The following PACRG variants were observed in gnomAD, a reference collection of about 807,000 sequenced individuals.
PACRG encodes the protein parkin coregulated gene protein.
Under a neutral mutation model 29.7 loss-of-function variants are expected in PACRG, and 29 were observed. The observed-to-expected ratio is 0.98, with a 90% CI of 0.73 to 1.33. The LOEUF is 1.33. PACRG is among the 40% of genes most tolerant of loss of function. PACRG has a pLI of 0.00. For missense variants in PACRG, 279 were observed against 316.2 expected (o/e 0.88, Z 0.89); for synonymous variants, 116 against 118.7 (o/e 0.98, Z 0.15).
At chr6:162,989,046 A>G (rs1428059739) in intron 2 of PACRG, among the ~76,000 whole-genome samples, 1 of 152,198 alleles carries the variant, frequency 6.6e-6, no homozygotes, top group African/African-American at 2.4e-5. Flanking sequence ...CCAATCAAGA[A>G]TAGACACGTC....
At position 162,762,325 on chromosome 6, in the gene PACRG, A is replaced by G. The variant is rs1431687334; in HGVS notation, c.156+33934A>G. 3.3e-5 allele frequency among the ~76,000 whole-genome samples: 5 copies of G among 152,180 alleles called. No individual in the cohort carries two copies. The East Asian group carries it at 9.6e-4, about 29-fold the overall frequency. On this transcript the variant is annotated intron_variant, in intron 1 of 4. Transcript: ENST00000366888. The stretch of plus-strand genomic sequence containing the variant: ...TAAGAATACACAGTGAAAAAAGCCA[A>G]AGAGTTATGTAAGGCATGTTTCTCT...
chr6:163,081,785 A>G (rs922964475), intron 3 of PACRG, among the ~76,000 whole-genome samples: 5 of 152,148 alleles, frequency 3.3e-5, no homozygotes, highest in Non-Finnish European at 7.3e-5. Flanking sequence ...AGTAAATGCC[A>G]TATTTTATGT....
chr6:163,022,204 A>G (rs138872798), intron 2 of PACRG, among the ~76,000 whole-genome samples: 1 of 152,176 alleles, frequency 6.6e-6, no homozygotes, highest in African/African-American at 2.4e-5. Flanking sequence ...AGCACCTACT[A>G]TGTGCTCAAT....
chr6:162,996,632 A>G (rs1156998319), intron 2 of PACRG, among the ~76,000 whole-genome samples: 1 of 152,202 alleles, frequency 6.6e-6, no homozygotes, highest in Non-Finnish European at 1.5e-5. Context: ...TGAAGTACTC[A>G]TGCCAAATTT....
intron 4 of PACRG, among the ~76,000 whole-genome samples, chr6:163,229,048 A>G (rs1014022188): frequency 6.6e-6 from 1 of 152,042 alleles, no homozygotes; most frequent in African/African-American, 2.4e-5. Flanking sequence ...AAAGGGCTAA[A>G]TTTCATATCT....
At chr6:162,902,326 T>C (rs1795619422) in intron 2 of PACRG, among the ~76,000 whole-genome samples, 1 of 152,216 alleles carries the variant, frequency 6.6e-6, no homozygotes, top group African/African-American at 2.4e-5. Flanking sequence ...TTTGAGTGGC[T>C]TGTAAACCTT....
intron 4 of PACRG, among the ~76,000 whole-genome samples, chr6:163,139,830 A>G (rs1010129730): frequency 2.0e-5 from 3 of 152,040 alleles, no homozygotes; most frequent in Non-Finnish European, 4.4e-5. Flanking sequence ...GTCTTTTACT[A>G]TTTTCTTTGT....
intron 2 of PACRG, among the ~76,000 whole-genome samples, chr6:162,868,154 T>C (rs1314369653): frequency 2.0e-5 from 3 of 152,176 alleles, no homozygotes; most frequent in South Asian, 2.1e-4. Context: ...AGAGATGCCT[T>C]TGCACATGGC....
intron 1 of PACRG, among the ~76,000 whole-genome samples, chr6:162,755,448 T>C (rs1312794303): frequency 6.6e-6 from 1 of 152,120 alleles, no homozygotes; most frequent in Non-Finnish European, 1.5e-5. Flanking sequence ...TCTTCTTCTA[T>C]TTTTTGAGAC....
At chr6:163,108,426 G>A (rs1199373364) in intron 4 of PACRG, among the ~76,000 whole-genome samples, 1 of 102,266 alleles carries the variant, frequency 9.8e-6, no homozygotes, top group Non-Finnish European at 1.8e-5. Context: ...TGACGGTGTT[G>A]CTCTGTTGCC....
At chr6:162,781,025 C>T (rs1447156000) in intron 1 of PACRG, among the ~76,000 whole-genome samples, 2 of 151,788 alleles carry the variant, frequency 1.3e-5, no homozygotes, top group Non-Finnish European at 2.9e-5. Context: ...TATGAACCCA[C>T]AGATCTAAGA....
chr6:162,837,626 A>G (rs1276508152), intron 2 of PACRG, among the ~76,000 whole-genome samples: 2 of 152,202 alleles, frequency 1.3e-5, no homozygotes, highest in African/African-American at 2.4e-5. Context: ...AGGAAATCAA[A>G]TGACATTTTC....
At position 163,161,811 on chromosome 6, in the gene PACRG, T is replaced by A. The variant is rs78998225; in HGVS notation, c.613+72403T>A. ...CTCCGTTGCACTACCCAGCACCCAA[T>A]AGCATTACTAAAAGCTGAGTGGACC... On this transcript the variant is annotated intron_variant, in intron 4 of 4. Transcript: ENST00000366888. Among the ~76,000 whole-genome samples the A allele has an allele frequency of 4.7e-3, 710 of 152,306 alleles. 5 individuals carry two copies. The highest frequency in any genetic ancestry group is 0.017 in the African/African-American group (686 of 41,550).
chr6:163,200,513 G>A (rs1780653243), intron 4 of PACRG, among the ~76,000 whole-genome samples: 1 of 152,112 alleles, frequency 6.6e-6, no homozygotes, highest in South Asian at 2.1e-4. Context: ...ATACTTCCCA[G>A]TTCATGCATA....
intron 2 of PACRG, among the ~76,000 whole-genome samples, chr6:162,873,279 A>G (rs933189028): frequency 2.6e-5 from 4 of 152,210 alleles, no homozygotes; most frequent in Non-Finnish European, 5.9e-5. Flanking sequence ...CAGTACCTAC[A>G]ATAGTGCCCT....
At chr6:162,940,537 G>C (rs1184623208) in intron 2 of PACRG, among the ~76,000 whole-genome samples, 2 of 152,096 alleles carry the variant, frequency 1.3e-5, no homozygotes, top group African/African-American at 4.8e-5. Context: ...TTTGAGTCCA[G>C]AATAAAGCAA....
chr6:163,278,292 G>A (rs1442545596), intron 4 of PACRG, among the ~76,000 whole-genome samples: 2 of 152,168 alleles, frequency 1.3e-5, no homozygotes. Context: ...TGGGTTGTCT[G>A]TTAACTCTGC....
intron 2 of PACRG, among the ~76,000 whole-genome samples, chr6:162,883,333 G>A (rs1312824677): frequency 1.3e-5 from 2 of 152,062 alleles, no homozygotes; most frequent in Non-Finnish European, 2.9e-5. Flanking sequence ...TATTTAGCTG[G>A]CCTCTAATTA....
At chr6:163,296,096 C>G (rs1233217886) in intron 4 of PACRG, among the ~76,000 whole-genome samples, 2 of 152,152 alleles carry the variant, frequency 1.3e-5, no homozygotes, top group East Asian at 3.9e-4. Context: ...ACCCATTTTA[C>G]TTTATTCTTC....
Sources: gnomAD v4.1 joint callset for allele counts (sites outside exome capture counted in the v4.1 genomes callset) on GRCh38, gnomAD v4.1.1 for gene constraint, MANE v1.5 for transcripts, NCBI Gene and HGNC (gene_info 2026-07-23, HGNC 2026-07-21) for gene names.